HMGN3: variants seen among roughly 807,000 people sequenced by gnomAD.
HMGN3 encodes high mobility group nucleosomal binding domain 3.
In HMGN3, 6 loss-of-function variants were observed where a neutral mutation model predicts 18.8. The ratio of observed to expected loss-of-function variants is 0.32; its 90% CI spans 0.18 to 0.63. HMGN3 has a LOEUF of 0.63. Ranked by LOEUF, HMGN3 falls within the 30% of genes least tolerant of loss-of-function variation. The probability of loss-of-function intolerance (pLI) is 0.79; values close to 1 mark genes in which losing one functional copy is unlikely to be tolerated. For missense variants in HMGN3, 107 were observed against 114.2 expected (o/e 0.94, Z 0.29); for synonymous variants, 40 against 36.5 (o/e 1.10, Z -0.35).
rs34937485 is a variant in HMGN3 at position 79,232,601 on chromosome 6, G to GT, written c.15+1944dup. On this transcript the variant is annotated intron_variant, in intron 1 of 5. Coordinates refer to ENST00000344726, the Ensembl canonical transcript of HMGN3. ...TAGCTGTAATTTTACTGTTATTTTA[G>GT]TTTTTTTTTTTTTTCCTTCCGTCTC... 5.5e-3 allele frequency among the ~76,000 whole-genome samples: 783 copies of GT among 143,604 alleles called. 2 individuals are homozygous for GT. Among genetic ancestry groups the GT allele is most frequent in the South Asian group, 0.017 (77 of 4,518 alleles). 94.2% of individuals were successfully genotyped at this position (143,604 alleles called of 152,430 possible).
chr6:79,201,768 A>C (rs772687462), intron 5 of HMGN3, 42 bp from the exon 7 acceptor site: 5 of 1,597,952 alleles, frequency 3.1e-6, no homozygotes, highest in Non-Finnish European at 4.3e-6. Flanking sequence ...GTTACTACTG[A>C]AACTACTATA....
chr6:79,224,872 CAA>C (rs922222380), intron 1 of HMGN3, among the ~76,000 whole-genome samples: 2 of 152,116 alleles, frequency 1.3e-5, no homozygotes, highest in Non-Finnish European at 2.9e-5. Flanking sequence ...TAACTTCTGG[CAA>C]ATGGTAAACA....
intron 4 of HMGN3, 121 bp from the exon 5 acceptor site, chr6:79,202,510 T>C: frequency 1.2e-6 from 1 of 806,106 alleles, no homozygotes; most frequent in East Asian, 2.4e-5. Context: ...TGGTGGCCTT[T>C]ATGGAGACAC....
At chr6:79,220,812 G>T (rs114579578) in intron 1 of HMGN3, among the ~76,000 whole-genome samples, 1 of 152,188 alleles carries the variant, frequency 6.6e-6, no homozygotes, top group African/African-American at 2.4e-5. Context: ...GTGTCATAAA[G>T]GTATAAAAGC....
At chr6:79,214,423 T>G (rs573300389) in intron 2 of HMGN3, among the ~76,000 whole-genome samples, 27 of 152,146 alleles carry the variant, frequency 1.8e-4, no homozygotes, top group Middle Eastern at 3.4e-3. Context: ...GGATGGTCTC[T>G]ATCTCCTGAC....
chr6:79,220,171 A>T (rs1777202488), intron 1 of HMGN3, among the ~76,000 whole-genome samples: 1 of 152,190 alleles, frequency 6.6e-6, no homozygotes, highest in Non-Finnish European at 1.5e-5. Flanking sequence ...TTAATTTTAG[A>T]CTTTGTTAAA....
intron 1 of HMGN3, among the ~76,000 whole-genome samples, chr6:79,220,961 A>G (rs1338456075): frequency 2.6e-5 from 4 of 151,888 alleles, no homozygotes; most frequent in Admixed American, 2.6e-4. Context: ...GAAATGAACA[A>G]TGATTTTTAA....
At chr6:79,216,448 A>T (rs1236290040) in intron 1 of HMGN3, among the ~76,000 whole-genome samples, 1 of 152,220 alleles carries the variant, frequency 6.6e-6, no homozygotes, top group African/African-American at 2.4e-5. Flanking sequence ...AAGTATATAT[A>T]AAAGTCTTTA....
At chr6:79,202,471 C>T (rs1487224764) in intron 4 of HMGN3, 82 bp from the exon 5 acceptor site, 3 of 1,156,492 alleles carry the variant, frequency 2.6e-6, no homozygotes, top group East Asian at 2.3e-5. Flanking sequence ...TCTGTCCAAA[C>T]ACAAGGTGAA....
chr6:79,205,975 C>T (rs1193181647), intron 3 of HMGN3, among the ~76,000 whole-genome samples: 1 of 151,956 alleles, frequency 6.6e-6, no homozygotes, highest in Non-Finnish European at 1.5e-5. Context: ...ACATTTTGCC[C>T]CTGGTCTAGA....
intron 3 of HMGN3, 47 bp downstream of exon 3, chr6:79,208,500 A>G (rs754460606): frequency 2.1e-6 from 3 of 1,454,134 alleles, no homozygotes; most frequent in Admixed American, 1.7e-5. Flanking sequence ...GACAAAGGGA[A>G]CATGTACTCA....
At chr6:79,208,435 A>C in intron 3 of HMGN3, 112 bp downstream of exon 3, 2 of 971,248 alleles carry the variant, frequency 2.1e-6, no homozygotes, top group South Asian at 2.8e-5. Flanking sequence ...AATTTTCAAA[A>C]AGAAAATAAG....
At position 79,211,033 on chromosome 6, in the gene HMGN3, A is replaced by AT. The variant is rs1491121964; in HGVS notation, c.67-2458dup. Reference sequence around the variant, plus strand: ...ATGCAAAAAAAAAAAAAAAAAAAAAATGCCTAAGCTGTCTAAACCAGCCAG... The same window carrying AT: ...ATGCAAAAAAAAAAAAAAAAAAAAAATTGCCTAAGCTGTCTAAACCAGCCAG... On this transcript the variant is annotated intron_variant, in intron 2 of 5. Transcript: ENST00000344726. Among the ~76,000 whole-genome samples, 12 of 131,240 alleles carry AT rather than the reference A, an allele frequency of 9.1e-5. No individual in the cohort carries two copies. In the East Asian group the frequency reaches 2.4e-3, roughly 26 times the overall value. 86.1% of individuals were successfully genotyped at this position (131,240 alleles called of 152,430 possible).
intron 3 of HMGN3, among the ~76,000 whole-genome samples, chr6:79,203,960 G>T (rs536664191): frequency 2.6e-5 from 4 of 152,330 alleles, no homozygotes; most frequent in Middle Eastern, 3.4e-3. Flanking sequence ...AGCAGCAAGA[G>T]GAATGACTCA....
chr6:79,230,604 C>T (rs1294071644), intron 1 of HMGN3, among the ~76,000 whole-genome samples: 1 of 152,042 alleles, frequency 6.6e-6, no homozygotes, highest in Admixed American at 6.5e-5. Context: ...TCTTTGATTT[C>T]TAGTAAAACC....
At chr6:79,219,658 A>T (rs1407367287) in intron 1 of HMGN3, among the ~76,000 whole-genome samples, 1 of 152,170 alleles carries the variant, frequency 6.6e-6, no homozygotes, top group Admixed American at 6.5e-5. Flanking sequence ...TTGCCACATT[A>T]AAAAAGCATA....
chr6:79,223,530 A>G (rs556737489), intron 1 of HMGN3, among the ~76,000 whole-genome samples: 2 of 151,748 alleles, frequency 1.3e-5, no homozygotes, highest in South Asian at 4.2e-4. Flanking sequence ...ACAAACACAC[A>G]CACAAACAAA....
intron 1 of HMGN3, among the ~76,000 whole-genome samples, chr6:79,222,132 C>T (rs529167772): frequency 1.1e-4 from 16 of 152,202 alleles, no homozygotes; most frequent in African/African-American, 3.1e-4. Flanking sequence ...TCCATGCTAA[C>T]GAGGAAAAGC....
At chr6:79,217,042 A>T (rs965662697) in intron 1 of HMGN3, among the ~76,000 whole-genome samples, 2 of 152,250 alleles carry the variant, frequency 1.3e-5, no homozygotes, top group Admixed American at 6.5e-5. Flanking sequence ...TTCAATCTCT[A>T]AACACCGACC....
Sources: allele counts gnomAD v4.1 joint callset (sites outside exome capture counted in the v4.1 genomes callset), GRCh38; gene constraint gnomAD v4.1.1; transcripts MANE v1.5; gene names NCBI Gene and HGNC (gene_info 2026-07-23, HGNC 2026-07-21).